Variants in LRBA observed in about 807,000 individuals in gnomAD.
The protein encoded by LRBA is lipopolysaccharide-responsive and beige-like anchor protein.
In LRBA, 176 loss-of-function variants were observed where a neutral mutation model predicts 330.0. The observed-to-expected ratio is 0.53, with a 90% CI of 0.47 to 0.60. LRBA has a LOEUF of 0.60. LRBA is among the 20% of genes least tolerant of loss of function. LRBA has a pLI of 0.00. For missense variants in LRBA, 3,259 were observed against 3,444.8 expected (o/e 0.95, Z 1.35); for synonymous variants, 1,230 against 1,193.0 (o/e 1.03, Z -0.64).
intron 17 of LRBA, among the ~76,000 whole-genome samples, chr4:150,890,609 GA>G (rs1560967364): frequency 6.6e-6 from 1 of 152,106 alleles, no homozygotes; most frequent in Non-Finnish European, 1.5e-5. Flanking sequence ...TTTATGATGT[GA>G]AAACATGCCA....
At chr4:150,854,631 C>A (rs544737900) in intron 22 of LRBA, among the ~76,000 whole-genome samples, 2 of 152,040 alleles carry the variant, frequency 1.3e-5, no homozygotes, top group Admixed American at 1.3e-4. Flanking sequence ...AAAGTCTAGG[C>A]GAGAAGGTGT....
At chr4:150,360,312 A>C (rs955803483) in intron 47 of LRBA, among the ~76,000 whole-genome samples, 2 of 151,954 alleles carry the variant, frequency 1.3e-5, no homozygotes, top group Non-Finnish European at 2.9e-5. Context: ...CACATTTTAA[A>C]AAGTAAAAAA....
intron 47 of LRBA, among the ~76,000 whole-genome samples, chr4:150,389,053 A>C (rs1345418534): frequency 6.6e-6 from 1 of 152,230 alleles, no homozygotes; most frequent in Non-Finnish European, 1.5e-5. Context: ...TTCATGGTTC[A>C]AGAAGAATAA....
At chr4:150,650,125 C>T (rs1779571973) in intron 37 of LRBA, among the ~76,000 whole-genome samples, 1 of 152,140 alleles carries the variant, frequency 6.6e-6, no homozygotes, top group South Asian at 2.1e-4. Flanking sequence ...TTAAGTGACT[C>T]GTTCAAAGTT....
At chr4:150,542,163 G>A (rs892253973) in intron 40 of LRBA, among the ~76,000 whole-genome samples, 1 of 152,006 alleles carries the variant, frequency 6.6e-6, no homozygotes, top group Non-Finnish European at 1.5e-5. Flanking sequence ...TGGGTTCATT[G>A]CCTCACAAGT....
At chr4:150,634,339 G>A (rs903663812) in intron 37 of LRBA, among the ~76,000 whole-genome samples, 1 of 152,126 alleles carries the variant, frequency 6.6e-6, no homozygotes, top group Non-Finnish European at 1.5e-5. Context: ...TGAAATCTAT[G>A]TAAACTGGGA....
chr4:150,689,146 C>T (rs569339207), intron 36 of LRBA, among the ~76,000 whole-genome samples: 1 of 152,290 alleles, frequency 6.6e-6, no homozygotes, highest in East Asian at 1.9e-4. Flanking sequence ...AGAATGAGTT[C>T]ATGTCCTTTT....
chr4:150,386,430 C>G (rs1237090627), intron 47 of LRBA, among the ~76,000 whole-genome samples: 1 of 124,266 alleles, frequency 8.0e-6, no homozygotes, highest in Non-Finnish European at 1.7e-5. Context: ...CCCCCACCCT[C>G]CAAGAGGCCC....
Position 150,817,123 on chromosome 4 carries a change from C to A in LRBA, c.5305+1G>T. ...GTTGAAATCACTGATAACTAACTCA[C>A]CTGGTGATTCTCCTCCCATATCTGA... is the stretch of plus-strand genomic sequence containing the variant. On this transcript the variant is annotated splice_donor_variant, in intron 31 of 56. Transcript: ENST00000651943. LOFTEE classifies it high-confidence loss of function. The A allele has an allele frequency of 6.2e-7, 1 of 1,611,018 alleles. No individual in the cohort carries two copies. The highest frequency in any genetic ancestry group is 1.1e-5 in the South Asian group (1 of 90,776).
intron 2 of LRBA, among the ~76,000 whole-genome samples, chr4:150,935,092 C>T (rs2149518139): frequency 6.6e-6 from 1 of 151,108 alleles, no homozygotes; most frequent in African/African-American, 2.4e-5. Context: ...AGGAGAATCG[C>T]TTGAACCCAG....
Position 150,572,671 on chromosome 4 carries a change from G to C in LRBA, c.6330+15377C>G, listed in dbSNP as rs1334134733. Among the ~76,000 whole-genome samples, 4 of 152,200 alleles carry C rather than the reference G, an allele frequency of 2.6e-5. No individual in the cohort carries two copies. The East Asian group carries it at 7.7e-4, about 29-fold the overall frequency. Reference sequence around the variant, plus strand: ...ATCCAGTACAAGTTCAAGTAAGGAAGTTTAGCTCTGTAACTTCCACTCCTC... The same window carrying C: ...ATCCAGTACAAGTTCAAGTAAGGAACTTTAGCTCTGTAACTTCCACTCCTC... On this transcript the variant is annotated intron_variant, in intron 40 of 56. Coordinates refer to ENST00000651943, the MANE Select transcript of LRBA (RefSeq NM_001364905.1).
intron 47 of LRBA, among the ~76,000 whole-genome samples, chr4:150,382,138 T>A (rs908867780): frequency 2.0e-5 from 3 of 152,224 alleles, no homozygotes; most frequent in Admixed American, 6.5e-5. Flanking sequence ...TCCAGTTTAT[T>A]TATTTTTGTT....
intron 48 of LRBA, among the ~76,000 whole-genome samples, chr4:150,347,448 C>T (rs1736531301): frequency 6.6e-6 from 1 of 152,044 alleles, no homozygotes; most frequent in African/African-American, 2.4e-5. Context: ...GAGTTTGAGA[C>T]CAGCCTGGGC....
intron 31 of LRBA, among the ~76,000 whole-genome samples, chr4:150,809,852 TACGATACGATACGATA>T (rs1490154655): frequency 0.018 from 142 of 7,892 alleles, no homozygotes; most frequent in African/African-American, 0.045. Flanking sequence ...TGTCTTAAAA[TACGATACGATACGATA>T]CGATACGATA....
At chr4:150,685,241 CT>C (rs1414768023) in intron 36 of LRBA, among the ~76,000 whole-genome samples, 2 of 150,304 alleles carry the variant, frequency 1.3e-5, no homozygotes, top group South Asian at 4.2e-4. Context: ...CCCTATGAGA[CT>C]TTTTAAAGAT....
At chr4:150,374,867 A>G (rs1740999248) in intron 47 of LRBA, among the ~76,000 whole-genome samples, 1 of 152,242 alleles carries the variant, frequency 6.6e-6, no homozygotes, top group East Asian at 1.9e-4. Context: ...TTGCTTAAAC[A>G]TCCGAAAGAA....
At chr4:150,422,100 A>C (rs1056415416) in intron 46 of LRBA, among the ~76,000 whole-genome samples, 4 of 152,166 alleles carry the variant, frequency 2.6e-5, no homozygotes, top group Non-Finnish European at 4.4e-5. Flanking sequence ...TCTACAAAAA[A>C]AGTAAACAAA....
chr4:150,951,877 T>C (rs947937527), intron 2 of LRBA, among the ~76,000 whole-genome samples: 8 of 152,218 alleles, frequency 5.3e-5, no homozygotes, highest in African/African-American at 1.9e-4. Flanking sequence ...AAACAAAGTA[T>C]GATTTTTTTC....
intron 37 of LRBA, among the ~76,000 whole-genome samples, chr4:150,616,711 A>C (rs962313125): frequency 6.6e-6 from 1 of 152,212 alleles, no homozygotes; most frequent in Admixed American, 6.5e-5. Context: ...GAAACTCAGC[A>C]AGTAGAAATA....
Sources: allele counts gnomAD v4.1 joint callset (sites outside exome capture counted in the v4.1 genomes callset), GRCh38; gene constraint gnomAD v4.1.1; transcripts MANE v1.5; gene names NCBI Gene and HGNC (gene_info 2026-07-23, HGNC 2026-07-21).